The following UNC13B variants were observed in gnomAD, a reference collection of about 807,000 sequenced individuals.
The protein encoded by UNC13B is protein unc-13 homolog B.
Under a neutral mutation model 211.0 loss-of-function variants are expected in UNC13B, and 144 were observed. That is an observed-to-expected ratio of 0.68 (90% CI 0.60 to 0.78). The LOEUF is 0.78. UNC13B is among the 30% of genes least tolerant of loss of function. The pLI is 0.00. For missense variants in UNC13B, 1,777 were observed against 2,002.0 expected (o/e 0.89, Z 2.14); for synonymous variants, 709 against 725.8 (o/e 0.98, Z 0.37).
intron 12 of UNC13B, among the ~76,000 whole-genome samples, chr9:35,368,940 CAT>C (rs1245117363): frequency 1.3e-5 from 2 of 152,166 alleles, no homozygotes; most frequent in African/African-American, 4.8e-5. Flanking sequence ...AAAATACACA[CAT>C]GTCAATGGGA....
Position 35,375,146 on chromosome 9 carries a change from A to C in UNC13B, c.9560A>C (p.Lys3187Thr), listed in dbSNP as rs1834313912. 1 of 1,614,194 alleles carries C rather than the reference A, an allele frequency of 6.2e-7. No homozygotes were observed. Among genetic ancestry groups the C allele is most frequent in the African/African-American group, 1.3e-5 (1 of 75,068 alleles). ...TGACAGTCACTGGTCCAGTCTCGGA[A>C]GGCAGGAATCACTTCTGCAATGGCT... ...VSDLSLVQSR[K>T]AGITSAMATR... The change falls in exon 14 of 40, where the codon AAG (lysine) becomes ACG (threonine). Residue 3187 changes from lysine to threonine, a missense_variant. Physicochemically the swap from Lys to Thr is moderately conservative, Grantham distance 78. Transcript: ENST00000635942.
At chr9:35,355,069 A>G (rs1030166470) in intron 11 of UNC13B, among the ~76,000 whole-genome samples, 1 of 152,216 alleles carries the variant, frequency 6.6e-6, no homozygotes, top group Non-Finnish European at 1.5e-5. Flanking sequence ...CTGTGTAGCT[A>G]TAAAAAGAAT....
intron 1 of UNC13B, among the ~76,000 whole-genome samples, chr9:35,183,008 TC>T (rs1822031508): frequency 6.6e-6 from 1 of 152,132 alleles, no homozygotes. Flanking sequence ...TGGGTACACT[TC>T]CCAGATGGGG....
chr9:35,214,691 A>G (rs1047475680), intron 1 of UNC13B, among the ~76,000 whole-genome samples: 1 of 152,080 alleles, frequency 6.6e-6, no homozygotes, highest in African/African-American at 2.4e-5. Flanking sequence ...AGGAGAGGAG[A>G]GGCAATATTT....
At chr9:35,175,730 T>G (rs1012874236) in intron 1 of UNC13B, among the ~76,000 whole-genome samples, 1 of 151,980 alleles carries the variant, frequency 6.6e-6, no homozygotes, top group Non-Finnish European at 1.5e-5. Flanking sequence ...AAGAGTAGTC[T>G]TAAAGGCCAG....
intron 11 of UNC13B, among the ~76,000 whole-genome samples, chr9:35,334,176 G>A (rs1294401189): frequency 6.6e-6 from 1 of 152,122 alleles, no homozygotes; most frequent in Non-Finnish European, 1.5e-5. Flanking sequence ...ATGTTGGCCA[G>A]GCTGGTCTTG....
intron 1 of UNC13B, among the ~76,000 whole-genome samples, chr9:35,178,604 A>G (rs370973790): frequency 6.6e-6 from 1 of 152,094 alleles, no homozygotes; most frequent in Non-Finnish European, 1.5e-5. Context: ...GTGGTTACAT[A>G]TGAGAAAATA....
At position 35,307,064 on chromosome 9, in the gene UNC13B, G is replaced by T. The variant is rs1829960957; in HGVS notation, c.7660G>T (p.Ala2554Ser). 2.5e-6 allele frequency: 1 copy of T among 398,884 alleles called. No homozygotes were observed. The highest frequency in any genetic ancestry group is 2.1e-5 in the African/African-American group (1 of 48,608). 24.7% of individuals were successfully genotyped at this position (398,884 alleles called of 1,614,324 possible). The change falls in exon 9 of 40, where the codon GCC becomes TCC. Residue 2554 changes from alanine to serine, a missense_variant. Coordinates refer to ENST00000635942, the MANE Select transcript of UNC13B (RefSeq NM_001371189.2). ...GSVPPERREA[A>S]FTALSSESTL... is the part of the protein sequence containing the mutation. ...AGTACCTCCAGAAAGGAGAGAAGCT[G>T]CCTTTACAGCACTAAGTTCAGAATC...
chr9:35,337,981 T>C (rs546102069), intron 11 of UNC13B, among the ~76,000 whole-genome samples: 1 of 152,328 alleles, frequency 6.6e-6, no homozygotes, highest in South Asian at 2.1e-4. Flanking sequence ...GGCCTCTTTG[T>C]TTCCTTTGGG....
chr9:35,355,369 G>T (rs1316336612), intron 11 of UNC13B, among the ~76,000 whole-genome samples: 2 of 152,132 alleles, frequency 1.3e-5, no homozygotes, highest in Non-Finnish European at 2.9e-5. Context: ...TGAATCATAT[G>T]AATATAATAC....
chr9:35,310,514 G>A lies in UNC13B; in HGVS notation c.9056G>A (p.Gly3019Glu), dbSNP rs1830131222. ...RYGSSCNVSQGSSQLSELDQY... is the reference protein window; with the variant it reads ...RYGSSCNVSQESSQLSELDQY... ...GGCTCCTCCTGTAATGTGAGTCAAG[G>A]AAGCTCTCAGCTAAGTGAACTAGAC... is the stretch of plus-strand genomic sequence containing the variant. Residue 3019 changes from glycine (G) to glutamate (E), a missense_variant, in exon 10 of 40, where the codon GGA becomes GAA. Coordinates refer to ENST00000635942, the MANE Select transcript of UNC13B (RefSeq NM_001371189.2). 1 of 1,614,086 alleles carries A rather than the reference G, an allele frequency of 6.2e-7. No individual in the cohort carries two copies. The highest frequency in any genetic ancestry group is 8.5e-7 in the Non-Finnish European group (1 of 1,180,004).
intron 1 of UNC13B, among the ~76,000 whole-genome samples, chr9:35,180,932 A>AG (rs1429365364): frequency 1.3e-5 from 2 of 151,248 alleles, no homozygotes; most frequent in Admixed American, 6.6e-5. Flanking sequence ...TGTCTTTAAA[A>AG]AAAAAAAAAA....
chr9:35,361,704 A>G (rs1404492544), intron 11 of UNC13B: 2 of 152,270 alleles, frequency 1.3e-5, no homozygotes, highest in African/African-American at 4.8e-5. Context: ...AGTATTAACA[A>G]CATACTGTCT....
chr9:35,194,626 A>C (rs2131352513), intron 1 of UNC13B, among the ~76,000 whole-genome samples: 1 of 152,336 alleles, frequency 6.6e-6, no homozygotes, highest in African/African-American at 2.4e-5. Flanking sequence ...ACTGGCTGAC[A>C]GATGCCCATT....
Position 35,304,455 on chromosome 9 carries a change from A to T in UNC13B, c.5051A>T (p.Gln1684Leu). 1 of 398,686 alleles carries T rather than the reference A, an allele frequency of 2.5e-6. No individual in the cohort carries two copies. The highest frequency in any genetic ancestry group is 4.4e-6 in the Non-Finnish European group (1 of 225,872). 24.7% of individuals were successfully genotyped at this position (398,686 alleles called of 1,614,324 possible). ...ACATTAGATCTCAGAAATCAGCCCC[A>T]AACTATTAGTAATCATGTCTCAAGC... ...ECTLDLRNQP[Q>L]TISNHVSSRD... is the part of the protein sequence containing the mutation. Residue 1684 changes from glutamine (Q) to leucine (L), a missense_variant, in exon 9 of 40, where the codon CAA (glutamine) becomes CTA (leucine). Transcript: ENST00000635942.
In UNC13B at chr9:35,376,054, G is replaced by A; in HGVS notation, c.9642G>A (p.Leu3214=). 1.2e-6 allele frequency: 2 copies of A among 1,614,218 alleles called. No individual in the cohort carries two copies. Among genetic ancestry groups the A allele is most frequent in the East Asian group, 2.2e-5 (1 of 44,874 alleles). The change falls in exon 15 of 40, where the codon CTG becomes CTA. Residue 3214 remains leucine, a synonymous_variant. Transcript: ENST00000635942. ...AATCCCACGTGTATAAGAAAACCCTGCAGGCCTTAATCTACCCCATTTCGT... is the reference window on the plus strand; with the variant it reads ...AATCCCACGTGTATAAGAAAACCCTACAGGCCTTAATCTACCCCATTTCGT... ...ELKSHVYKKT[L]QALIYPISCT...
At chr9:35,293,222 T>C (rs535211547) in intron 7 of UNC13B, among the ~76,000 whole-genome samples, 57 of 152,350 alleles carry the variant, frequency 3.7e-4, no homozygotes, top group African/African-American at 1.3e-3. Context: ...CCTTTATTTC[T>C]TTAGTGTAGA....
chr9:35,182,210 A>C (rs1821974516), intron 1 of UNC13B, among the ~76,000 whole-genome samples: 1 of 152,144 alleles, frequency 6.6e-6, no homozygotes, highest in Admixed American at 6.5e-5. Context: ...TAAAACCATC[A>C]GTTTTCTTGA....
chr9:35,314,020 C>T (rs1185462603), intron 11 of UNC13B, 31 bp downstream of exon 11: 4 of 1,568,518 alleles, frequency 2.6e-6, no homozygotes, highest in Non-Finnish European at 3.5e-6. Context: ...CTGGTTGGGA[C>T]AATTTTTCCT....
Sources: gnomAD v4.1 joint callset for allele counts (sites outside exome capture counted in the v4.1 genomes callset) on GRCh38, gnomAD v4.1.1 for gene constraint, MANE v1.5 for transcripts, NCBI Gene and HGNC (gene_info 2026-07-23, HGNC 2026-07-21) for gene names.